Variants in TNIK observed in about 807,000 individuals in gnomAD.
TNIK encodes TRAF2 and NCK interacting kinase, also known as TRAF2 and NCK-interacting protein kinase.
In TNIK, 49 loss-of-function variants were observed where a neutral mutation model predicts 191.3. The observed-to-expected ratio is 0.26, with a 90% CI of 0.20 to 0.32. The LOEUF (loss-of-function observed/expected upper bound fraction) is 0.32. Ranked by LOEUF, TNIK falls within the 10% of genes least tolerant of loss-of-function variation. The probability of loss-of-function intolerance (pLI) is 1.00; values close to 1 mark genes in which losing one functional copy is unlikely to be tolerated. For synonymous variants in TNIK, 594 were observed against 600.9 expected, an observed-to-expected ratio of 0.99 and a Z score of 0.17; for missense variants, 1,155 against 1,702.3, an observed-to-expected ratio of 0.68 and a Z score of 5.66.
chr3:171,181,885 T>C (rs991001804), intron 7 of TNIK, among the ~76,000 whole-genome samples: 1 of 152,250 alleles, frequency 6.6e-6, no homozygotes, highest in Admixed American at 6.5e-5. Context: ...CAGCAGTAAT[T>C]TGAAGAACAT....
At chr3:171,416,116 A>G (rs1723052435) in intron 1 of TNIK, among the ~76,000 whole-genome samples, 1 of 152,014 alleles carries the variant, frequency 6.6e-6, no homozygotes, top group Non-Finnish European at 1.5e-5. Flanking sequence ...ATTTCATCGC[A>G]TGCCTCAGAG....
intron 2 of TNIK, among the ~76,000 whole-genome samples, chr3:171,291,315 C>T (rs1187100772): frequency 6.6e-6 from 1 of 152,172 alleles, no homozygotes; most frequent in Non-Finnish European, 1.5e-5. Context: ...ACACAGATAT[C>T]TGCCATTTCT....
intron 2 of TNIK, among the ~76,000 whole-genome samples, chr3:171,323,300 T>TG (rs1263450297): frequency 6.6e-6 from 1 of 152,184 alleles, no homozygotes; most frequent in Non-Finnish European, 1.5e-5. Flanking sequence ...AGAAGTATGC[T>TG]GGGGGGCAGG....
intron 23 of TNIK, among the ~76,000 whole-genome samples, chr3:171,089,402 T>C (rs962895250): frequency 5.5e-4 from 83 of 152,210 alleles, no homozygotes; most frequent in African/African-American, 2.0e-3. Context: ...ACTGAAAAGC[T>C]TTTAAACATT....
chr3:171,134,911 G>GA lies in TNIK; in HGVS notation c.1608+3279dup, dbSNP rs1000865850. On this transcript the variant is annotated intron_variant, in intron 15 of 32. Transcript: ENST00000436636. ...AGATGGAAAAGTAAGCAAAGAAGAA[G>GA]AAAAAAAAACTTGATGAGACGGCAT... Among the ~76,000 whole-genome samples, 7 of 151,396 alleles carry GA rather than the reference G, an allele frequency of 4.6e-5. No homozygotes were observed. The South Asian group carries it at 6.3e-4, about 14-fold the overall frequency.
At chr3:171,234,345 G>A (rs909599985) in intron 2 of TNIK, among the ~76,000 whole-genome samples, 7 of 152,294 alleles carry the variant, frequency 4.6e-5, no homozygotes, top group African/African-American at 7.2e-5. Flanking sequence ...TGTGCCATTC[G>A]TTGGTGGCTT....
At chr3:171,315,640 G>A (rs1285775372) in intron 2 of TNIK, among the ~76,000 whole-genome samples, 1 of 152,066 alleles carries the variant, frequency 6.6e-6, no homozygotes, top group African/African-American at 2.4e-5. Flanking sequence ...GTTCTTTCTG[G>A]AAGTTCTGAA....
chr3:171,267,923 C>A (rs1452053417), intron 2 of TNIK, among the ~76,000 whole-genome samples: 3 of 152,166 alleles, frequency 2.0e-5, no homozygotes, highest in Admixed American at 1.3e-4. Flanking sequence ...GACCTCATAT[C>A]CACTCCCTGC....
chr3:171,316,080 C>A (rs935026220), intron 2 of TNIK, among the ~76,000 whole-genome samples: 1 of 152,150 alleles, frequency 6.6e-6, no homozygotes, highest in Admixed American at 6.6e-5. Flanking sequence ...CTTCCCCGCT[C>A]TTCCCATAGC....
At chr3:171,314,760 C>T (rs779493811) in intron 2 of TNIK, among the ~76,000 whole-genome samples, 11 of 151,944 alleles carry the variant, frequency 7.2e-5, no homozygotes, top group Non-Finnish European at 1.6e-4. Context: ...AGTTATGAGG[C>T]TTGAGGGGAT....
intron 22 of TNIK, among the ~76,000 whole-genome samples, chr3:171,101,158 G>T (rs779221021): frequency 2.3e-4 from 35 of 152,204 alleles, no homozygotes; most frequent in Admixed American, 3.9e-4. Flanking sequence ...TGTCGATATT[G>T]TTTGCCCTTA....
intron 2 of TNIK, among the ~76,000 whole-genome samples, chr3:171,259,953 T>TA (rs1267188583): frequency 6.6e-6 from 1 of 152,174 alleles, no homozygotes; most frequent in Non-Finnish European, 1.5e-5. Flanking sequence ...GTCCAACCTT[T>TA]AGTTAGCCTT....
intron 3 of TNIK, among the ~76,000 whole-genome samples, chr3:171,217,563 A>G (rs891055828): frequency 6.6e-6 from 1 of 152,154 alleles, no homozygotes; most frequent in Non-Finnish European, 1.5e-5. Flanking sequence ...AAAAAAAAGT[A>G]AAGAAGAAAA....
At chr3:171,104,009 A>G (rs1316260488) in intron 21 of TNIK, among the ~76,000 whole-genome samples, 1 of 152,068 alleles carries the variant, frequency 6.6e-6, no homozygotes, top group Non-Finnish European at 1.5e-5. Context: ...TTTAATTAGA[A>G]TTTTTTGCTT....
intron 2 of TNIK, among the ~76,000 whole-genome samples, chr3:171,239,205 C>G (rs116442713): frequency 0.015 from 2,261 of 152,240 alleles, 66 homozygotes; most frequent in African/African-American, 0.052. Context: ...ATCAGGTACT[C>G]AATTCAGAAA....
At chr3:171,384,629 T>C (rs975795498) in intron 1 of TNIK, among the ~76,000 whole-genome samples, 4 of 152,240 alleles carry the variant, frequency 2.6e-5, no homozygotes. Context: ...AGGAAATGAC[T>C]ACACTTTATA....
chr3:171,274,592 A>T (rs1481460864), intron 2 of TNIK, among the ~76,000 whole-genome samples: 5 of 152,252 alleles, frequency 3.3e-5, no homozygotes, highest in Non-Finnish European at 5.9e-5. Context: ...TAATTCTCAG[A>T]TAGATGAAGG....
In TNIK at chr3:171,404,544, G is replaced by A. The variant is rs576440472; in HGVS notation, c.58-34859C>T. On this transcript the variant is annotated intron_variant, in intron 1 of 32. Transcript: ENST00000436636. ...CTTGAGTTTGTTTTTTTTTTTAACCGAGCTAGAGAAAATCTGAGGAATCTA... is the reference window on the plus strand; with the variant it reads ...CTTGAGTTTGTTTTTTTTTTTAACCAAGCTAGAGAAAATCTGAGGAATCTA... 7.9e-5 allele frequency among the ~76,000 whole-genome samples: 12 copies of A among 150,946 alleles called. 1 individual carries two copies. The highest frequency in any genetic ancestry group is 5.8e-4 in the East Asian group (3 of 5,146).
intron 18 of TNIK, among the ~76,000 whole-genome samples, chr3:171,112,331 A>G (rs928738463): frequency 6.6e-5 from 10 of 152,226 alleles, no homozygotes; most frequent in Non-Finnish European, 1.0e-4. Flanking sequence ...AGAAGATGAC[A>G]GTCATGCCTT....
Sources: allele counts gnomAD v4.1 joint callset (sites outside exome capture counted in the v4.1 genomes callset), GRCh38; gene constraint gnomAD v4.1.1; transcripts MANE v1.5; gene names NCBI Gene and HGNC (gene_info 2026-07-23, HGNC 2026-07-21).